BIRC6: variants seen among roughly 807,000 people sequenced by gnomAD.
The protein encoded by BIRC6 is dual E2 ubiquitin-conjugating enzyme/E3 ubiquitin-protein ligase BIRC6.
In BIRC6, 98 loss-of-function variants were observed where a neutral mutation model predicts 503.3. That is an observed-to-expected ratio of 0.19 (90% CI 0.17 to 0.23). BIRC6 has a LOEUF of 0.23. Ranked by LOEUF, BIRC6 falls within the 10% of genes least tolerant of loss-of-function variation. BIRC6 has a pLI of 1.00. For synonymous variants in BIRC6, 2,240 were observed against 2,078.7 expected (o/e 1.08, Z -2.11); for missense variants, 5,360 against 5,806.0 (o/e 0.92, Z 2.50).
intron 66 of BIRC6, chr2:32,591,057 C>T (rs1261773817): frequency 1.2e-6 from 1 of 845,726 alleles, no homozygotes; most frequent in Non-Finnish European, 1.4e-6. Flanking sequence ...AGACTACTGG[C>T]TATAGTTTAA....
intron 10 of BIRC6, among the ~76,000 whole-genome samples, chr2:32,419,314 AAAAT>A (rs1400652962): frequency 4.6e-5 from 7 of 152,176 alleles, no homozygotes; most frequent in Non-Finnish European, 8.8e-5. Context: ...TCTTTTCATA[AAAAT>A]AAATCTATAG....
At chr2:32,519,384 G>A (rs1572770366) in intron 57 of BIRC6, among the ~76,000 whole-genome samples, 1 of 152,226 alleles carries the variant, frequency 6.6e-6, no homozygotes, top group Non-Finnish European at 1.5e-5. Context: ...CGTAGTCAGT[G>A]AAGAAAGCAG....
At chr2:32,364,229 A>C (rs1461266146) in intron 1 of BIRC6, among the ~76,000 whole-genome samples, 1 of 152,146 alleles carries the variant, frequency 6.6e-6, no homozygotes, top group East Asian at 1.9e-4. Flanking sequence ...GAAGAAGAAA[A>C]AACCTGCTCA....
At chr2:32,505,770 A>G (rs2053727172) in intron 50 of BIRC6, among the ~76,000 whole-genome samples, 1 of 152,218 alleles carries the variant, frequency 6.6e-6, no homozygotes, top group Non-Finnish European at 1.5e-5. Flanking sequence ...TTTGTAAGGC[A>G]AATAATTCAA....
Position 32,401,584 on chromosome 2 carries a change from C to T in BIRC6, c.1379C>T (p.Ser460Phe). The T allele has an allele frequency of 6.2e-7, 1 of 1,613,858 alleles. No individual in the cohort carries two copies. The highest frequency in any genetic ancestry group is 1.1e-5 in the South Asian group (1 of 91,070). ...CCAACTTTGGCGTGGCTGGAGGACT[C>T]CTCTAGTTGCTCAGATATACCAAAA... is the stretch of plus-strand genomic sequence containing the variant. Reference protein sequence around the residue: ...RRPTLAWLEDSSSCSDIPKLE... With the variant: ...RRPTLAWLEDFSSCSDIPKLE... Residue 460 changes from serine to phenylalanine, a missense_variant, in exon 8 of 74, where the codon TCC (serine) becomes TTC (phenylalanine). Ser to Phe is a radical substitution (Grantham distance 155). Transcript: ENST00000421745.
intron 10 of BIRC6, among the ~76,000 whole-genome samples, chr2:32,428,743 T>C (rs762992157): frequency 6.6e-6 from 1 of 152,212 alleles, no homozygotes; most frequent in Non-Finnish European, 1.5e-5. Flanking sequence ...AGAGTATTTG[T>C]TAAGTTTTGT....
At chr2:32,471,637 T>G (rs1350310214) in intron 32 of BIRC6, among the ~76,000 whole-genome samples, 1 of 152,172 alleles carries the variant, frequency 6.6e-6, no homozygotes, top group African/African-American at 2.4e-5. Flanking sequence ...TGCAACATTA[T>G]TTTATTACCC....
chr2:32,360,819 A>G (rs1192485611), intron 1 of BIRC6, among the ~76,000 whole-genome samples: 1 of 152,170 alleles, frequency 6.6e-6, no homozygotes, highest in African/African-American at 2.4e-5. Flanking sequence ...TCATATTTCA[A>G]GCTCCTTGTG....
chr2:32,537,298 A>G (rs1337247608), intron 61 of BIRC6, among the ~76,000 whole-genome samples: 1 of 152,192 alleles, frequency 6.6e-6, no homozygotes, highest in Non-Finnish European at 1.5e-5. Flanking sequence ...ATAGACATCA[A>G]CAGAATATAC....
intron 23 of BIRC6, among the ~76,000 whole-genome samples, chr2:32,461,685 T>C (rs2048011766): frequency 6.6e-6 from 1 of 152,132 alleles, no homozygotes; most frequent in Non-Finnish European, 1.5e-5. Context: ...TTTTTAATTT[T>C]ATTAGAATTC....
chr2:32,602,946 T>C, intron 70 of BIRC6, 60 bp from the exon 71 acceptor site: 1 of 1,417,340 alleles, frequency 7.1e-7, no homozygotes, highest in Non-Finnish European at 9.7e-7. Flanking sequence ...CTTCTCGTTA[T>C]GACAGTTTGT....
intron 10 of BIRC6, among the ~76,000 whole-genome samples, chr2:32,424,399 T>C (rs1452283130): frequency 1.3e-5 from 2 of 152,206 alleles, no homozygotes; most frequent in Non-Finnish European, 2.9e-5. Flanking sequence ...ATTTTGGCTA[T>C]TGTGAATAAT....
chr2:32,476,152 TATA>T, intron 33 of BIRC6, 58 bp from the exon 34 acceptor site: 4 of 1,281,358 alleles, frequency 3.1e-6, no homozygotes, highest in Non-Finnish European at 4.3e-6. Flanking sequence ...CTGTGAGGAG[TATA>T]ATAATTTTTT....
At chr2:32,598,151 C>T (rs1450385831) in intron 69 of BIRC6, among the ~76,000 whole-genome samples, 183 bp downstream of exon 69, 21 of 97,850 alleles carry the variant, frequency 2.1e-4, no homozygotes, top group African/African-American at 2.8e-4. Flanking sequence ...TTTTTTTTGG[C>T]GACAGGATCT....
Position 32,486,408 on chromosome 2 carries a change from G to C in BIRC6, c.7813+649G>C, listed in dbSNP as rs143175822. ...GTTACAAGAAACAGGTAGCCTGCCA[G>C]AGCTGGCCATCACATTACGGTTTGT... On this transcript the variant is annotated intron_variant, in intron 40 of 73. Transcript: ENST00000421745. Among the ~76,000 whole-genome samples, 837 of 152,324 alleles carry C rather than the reference G, an allele frequency of 5.5e-3. 11 individuals carry two copies. The highest frequency in any genetic ancestry group is 0.019 in the African/African-American group (786 of 41,566).
In BIRC6 at chr2:32,582,304, G is replaced by A. The variant is rs558715240; in HGVS notation, c.13355+6938G>A. 7.2e-5 allele frequency among the ~76,000 whole-genome samples: 11 copies of A among 152,202 alleles called. No homozygotes were observed. In the East Asian group the frequency reaches 2.1e-3, roughly 30 times the overall value. ...TGGGAGGATGATTGCTTGAGCCCAGGAGTTCAAGACCAGCCTGGGCAACAT... is the reference window on the plus strand; with the variant it reads ...TGGGAGGATGATTGCTTGAGCCCAGAAGTTCAAGACCAGCCTGGGCAACAT... On this transcript the variant is annotated intron_variant, in intron 66 of 73. Coordinates refer to ENST00000421745, the MANE Select transcript of BIRC6 (RefSeq NM_016252.4).
chr2:32,476,176 G>A (rs1334374148), intron 33 of BIRC6, 37 bp from the exon 34 acceptor site: 6 of 1,478,286 alleles, frequency 4.1e-6, no homozygotes, highest in African/African-American at 2.9e-5. Flanking sequence ...TGTTTTTAAC[G>A]TTGTTAAAGA....
At position 32,467,706 on chromosome 2, in the gene BIRC6, C is replaced by T. The variant is rs1156415837; in HGVS notation, c.5538C>T (p.Asp1846=). 4.3e-6 allele frequency: 7 copies of T among 1,613,580 alleles called. No individual in the cohort carries two copies. Among genetic ancestry groups the T allele is most frequent in the Non-Finnish European group, 5.9e-6 (7 of 1,179,758 alleles). Residue 1846 remains aspartate, a synonymous_variant, in exon 27 of 74, where the codon GAC becomes GAT. Coordinates refer to ENST00000421745, the MANE Select transcript of BIRC6 (RefSeq NM_016252.4). ...GCACTCATTCACTAATTCTTCATGA[C>T]TTAATACCACCTCCCGTGTGCAGAT... ...DISTHSLILH[D]LIPPPVCRFM...
intron 13 of BIRC6, among the ~76,000 whole-genome samples, chr2:32,434,139 A>G (rs892897790): frequency 2.0e-5 from 3 of 152,186 alleles, no homozygotes; most frequent in African/African-American, 4.8e-5. Flanking sequence ...TAGAACTGTT[A>G]TGGAAGTTAC....
Sources: allele counts gnomAD v4.1 joint callset (sites outside exome capture counted in the v4.1 genomes callset), GRCh38; gene constraint gnomAD v4.1.1; transcripts MANE v1.5; gene names NCBI Gene and HGNC (gene_info 2026-07-23, HGNC 2026-07-21).